Variants in PLPP4 observed in about 807,000 individuals in gnomAD.
The protein encoded by PLPP4 is diacylglycerol pyrophosphate like 2.
Under a neutral mutation model 32.2 loss-of-function variants are expected in PLPP4, and 20 were observed. The observed-to-expected ratio is 0.62, with a 90% CI of 0.44 to 0.90. The LOEUF is 0.90. PLPP4 is among the 40% of genes least tolerant of loss of function. The probability of loss-of-function intolerance (pLI) is 0.00; values close to 1 mark genes in which losing one functional copy is unlikely to be tolerated. For missense variants in PLPP4, 257 were observed against 353.1 expected (o/e 0.73, Z 2.18); for synonymous variants, 127 against 133.0 (o/e 0.95, Z 0.31).
Position 120,457,268 on chromosome 10 carries a change from G to C in PLPP4, c.-38G>C. The C allele has an allele frequency of 1.4e-6, 2 of 1,459,720 alleles. No homozygotes were observed. Among genetic ancestry groups the C allele is most frequent in the Non-Finnish European group, 1.8e-6 (2 of 1,097,262 alleles). 90.4% of individuals were successfully genotyped at this position (1,459,720 alleles called of 1,614,324 possible). Reference sequence around the variant, plus strand: ...GGCCGAGCTGCGGGAGCCGCGGAGAGCACCAGCTGACGCCGCGGGAGCTGC... The same window carrying C: ...GGCCGAGCTGCGGGAGCCGCGGAGACCACCAGCTGACGCCGCGGGAGCTGC... On this transcript the variant is annotated 5_prime_UTR_variant, in exon 1 of 7. Coordinates refer to ENST00000398250, the MANE Select transcript of PLPP4 (RefSeq NM_001030059.3).
At chr10:120,558,497 C>A in intron 5 of PLPP4, among the ~76,000 whole-genome samples, 1 of 150,496 alleles carries the variant, frequency 6.6e-6, no homozygotes. Flanking sequence ...CGACCTGCAA[C>A]CTCCACCTCC....
chr10:120,541,446 C>T (rs1381215085), intron 5 of PLPP4, among the ~76,000 whole-genome samples: 1 of 152,202 alleles, frequency 6.6e-6, no homozygotes. Context: ...TACTGGAATG[C>T]ACTTTTGTCT....
intron 2 of PLPP4, 76 bp downstream of exon 2, chr10:120,504,002 C>A: frequency 1.9e-6 from 2 of 1,042,606 alleles, no homozygotes; most frequent in Non-Finnish European, 3.0e-6. Flanking sequence ...CTTTGTTTTT[C>A]TAACCCTGAA....
intron 5 of PLPP4, among the ~76,000 whole-genome samples, chr10:120,563,628 G>A (rs924932335): frequency 6.7e-5 from 10 of 148,512 alleles, no homozygotes; most frequent in South Asian, 4.3e-4. Context: ...GTGAAACCCC[G>A]TCTCTACTAA....
At chr10:120,510,206 C>A (rs554501770) in intron 2 of PLPP4, among the ~76,000 whole-genome samples, 66 of 152,152 alleles carry the variant, frequency 4.3e-4, no homozygotes, top group African/African-American at 1.4e-3. Context: ...TTCAGCAGCC[C>A]CATACTCATA....
At chr10:120,555,561 G>C (rs1848124001) in intron 5 of PLPP4, among the ~76,000 whole-genome samples, 1 of 152,156 alleles carries the variant, frequency 6.6e-6, no homozygotes, top group African/African-American at 2.4e-5. Flanking sequence ...GCTCTCTGCT[G>C]CTCAGCCTGT....
intron 2 of PLPP4, among the ~76,000 whole-genome samples, chr10:120,510,885 G>C (rs186149302): frequency 1.3e-5 from 2 of 152,152 alleles, no homozygotes; most frequent in African/African-American, 2.4e-5. Context: ...TGAGACACTA[G>C]GGCCCATTGC....
chr10:120,579,293 G>C (rs1387351985), intron 6 of PLPP4, among the ~76,000 whole-genome samples: 1 of 152,080 alleles, frequency 6.6e-6, no homozygotes, highest in African/African-American at 2.4e-5. Context: ...TCCCCCTCTG[G>C]ATGTAATCTA....
chr10:120,489,807 G>A (rs1197331241), intron 1 of PLPP4, among the ~76,000 whole-genome samples: 1 of 152,192 alleles, frequency 6.6e-6, no homozygotes, highest in Non-Finnish European at 1.5e-5. Flanking sequence ...ATTAGTTCAG[G>A]TTGCCAGCTG....
At position 120,471,650 on chromosome 10, in the gene PLPP4, T is replaced by C. The variant is rs1848521280; in HGVS notation, c.56+14289T>C. 3.3e-5 allele frequency among the ~76,000 whole-genome samples: 5 copies of C among 152,214 alleles called. No individual in the cohort carries two copies. The South Asian group carries it at 1.0e-3, about 32-fold the overall frequency. ...TATCTTTATTTTTAACATATGGCTC[T>C]CGTAAATAGCATTTAGTTATATCTT... is the stretch of plus-strand genomic sequence containing the variant. On this transcript the variant is annotated intron_variant, in intron 1 of 6. Coordinates refer to ENST00000398250, the MANE Select transcript of PLPP4 (RefSeq NM_001030059.3).
intron 5 of PLPP4, among the ~76,000 whole-genome samples, chr10:120,545,807 G>A (rs776986304): frequency 1.1e-4 from 16 of 152,206 alleles, no homozygotes; most frequent in Non-Finnish European, 2.1e-4. Flanking sequence ...ATCTGTGAGG[G>A]TGTTGCCCAA....
chr10:120,587,329 C>T (rs1173674182), intron 6 of PLPP4: 1 of 152,230 alleles, frequency 6.6e-6, no homozygotes, highest in African/African-American at 2.4e-5. Flanking sequence ...TCACCAGCTG[C>T]TGTGTCCCAA....
At chr10:120,503,268 A>C (rs1038236878) in intron 1 of PLPP4, among the ~76,000 whole-genome samples, 2 of 152,190 alleles carry the variant, frequency 1.3e-5, no homozygotes, top group African/African-American at 4.8e-5. Context: ...TTAGTTCCTC[A>C]GGTAAAGATT....
At chr10:120,462,785 G>A (rs1848116593) in intron 1 of PLPP4, among the ~76,000 whole-genome samples, 1 of 152,150 alleles carries the variant, frequency 6.6e-6, no homozygotes, top group African/African-American at 2.4e-5. Context: ...TCCATCCGCT[G>A]CCTTTGGGAA....
chr10:120,521,088 T>A lies in PLPP4; in HGVS notation c.438T>A (p.His146Gln), dbSNP rs1846134984. 6 of 1,614,080 alleles carry A rather than the reference T, an allele frequency of 3.7e-6. No individual in the cohort carries two copies. Among genetic ancestry groups the A allele is most frequent in the Non-Finnish European group, 4.2e-6 (5 of 1,179,982 alleles). ...SEGRKSFPSI[H>Q]SSFAFSGLGF... ...GCCGCAAAAGCTTCCCCAGCATCCA[T>A]TCCTCCTGTAAGTTCATGGCTGGGA... The change falls in exon 5 of 7, where the codon CAT becomes CAA. Residue 146 changes from histidine (H) to glutamine (Q), a missense_variant. His to Gln is a conservative substitution (Grantham distance 24). Coordinates refer to ENST00000398250, the MANE Select transcript of PLPP4 (RefSeq NM_001030059.3).
intron 5 of PLPP4, among the ~76,000 whole-genome samples, chr10:120,533,984 TA>T (rs1174618020): frequency 7.2e-5 from 11 of 152,184 alleles, no homozygotes; most frequent in African/African-American, 2.7e-4. Flanking sequence ...TACTGCTTTT[TA>T]AATCAGTTAA....
chr10:120,556,732 A>T (rs1848180544), intron 5 of PLPP4, among the ~76,000 whole-genome samples: 1 of 152,208 alleles, frequency 6.6e-6, no homozygotes, highest in Non-Finnish European at 1.5e-5. Flanking sequence ...TCCCATTTGC[A>T]GGTGAGAAGC....
chr10:120,573,244 C>A (rs773581718), intron 5 of PLPP4, among the ~76,000 whole-genome samples: 2 of 152,186 alleles, frequency 1.3e-5, no homozygotes, highest in Non-Finnish European at 2.9e-5. Flanking sequence ...GATTTACTTT[C>A]TTTTGCTGCA....
chr10:120,558,967 C>T (rs983789724), intron 5 of PLPP4, among the ~76,000 whole-genome samples: 1 of 152,172 alleles, frequency 6.6e-6, no homozygotes, highest in Non-Finnish European at 1.5e-5. Context: ...TACACTCTCA[C>T]CAGCAAGTTA....
Sources: allele counts gnomAD v4.1 joint callset (sites outside exome capture counted in the v4.1 genomes callset), GRCh38; gene constraint gnomAD v4.1.1; transcripts MANE v1.5; gene names NCBI Gene and HGNC (gene_info 2026-07-23, HGNC 2026-07-21).